MXI1: variants seen among roughly 807,000 people sequenced by gnomAD.
MXI1 encodes max-interacting protein 1.
MXI1 carries 18 observed loss-of-function variants against 36.9 expected under a neutral mutation model. That is an observed-to-expected ratio of 0.49 (90% CI 0.34 to 0.72). The LOEUF is 0.72. Among genes scored for constraint, MXI1 ranks in the 30% least tolerant of loss-of-function variants. The probability of loss-of-function intolerance (pLI) is 0.01; values close to 1 mark genes in which losing one functional copy is unlikely to be tolerated. For missense variants in MXI1, 304 were observed against 379.1 expected (o/e 0.80, Z 1.64); for synonymous variants, 160 against 146.7 (o/e 1.09, Z -0.65).
At chr10:110,235,086 G>T (rs565941676) in intron 2 of MXI1, among the ~76,000 whole-genome samples, 5 of 152,114 alleles carry the variant, frequency 3.3e-5, no homozygotes. Context: ...TACCACTTCC[G>T]ATAATTTCAC....
intron 1 of MXI1, chr10:110,226,254 C>T: frequency 6.7e-7 from 1 of 1,502,078 alleles, no homozygotes. Context: ...CTGCTGGAGG[C>T]TGCCGAGTTT....
At chr10:110,252,746 A>G (rs1856143730) in intron 3 of MXI1, among the ~76,000 whole-genome samples, 1 of 152,176 alleles carries the variant, frequency 6.6e-6, no homozygotes, top group Non-Finnish European at 1.5e-5. Context: ...ATGATATGTG[A>G]TAGTAGATTT....
At chr10:110,225,125 C>T (rs1233535400) in intron 1 of MXI1, among the ~76,000 whole-genome samples, 1 of 152,210 alleles carries the variant, frequency 6.6e-6, no homozygotes, top group African/African-American at 2.4e-5. Context: ...ACCTCGAGAG[C>T]AGGTCTGCGT....
At chr10:110,222,772 T>G (rs536760938) in intron 1 of MXI1, among the ~76,000 whole-genome samples, 1 of 152,246 alleles carries the variant, frequency 6.6e-6, no homozygotes, top group African/African-American at 2.4e-5. Context: ...AGAAAGGCTA[T>G]GGCTGCCTCT....
At chr10:110,228,683 A>G (rs1295219405) in intron 2 of MXI1, among the ~76,000 whole-genome samples, 1 of 152,126 alleles carries the variant, frequency 6.6e-6, no homozygotes, top group African/African-American at 2.4e-5. Context: ...AAAATCAGAA[A>G]TAGGTCTGGC....
chr10:110,278,318 G>C (rs1293009400), intron 3 of MXI1, among the ~76,000 whole-genome samples: 1 of 152,188 alleles, frequency 6.6e-6, no homozygotes, highest in Non-Finnish European at 1.5e-5. Context: ...CCACAGGAAG[G>C]ATAGATTAGA....
chr10:110,216,665 G>GTGTTTTTTTTTTTTTTTTTTTTT (rs1854644098), intron 1 of MXI1, among the ~76,000 whole-genome samples: 1 of 79,060 alleles, frequency 1.3e-5, no homozygotes, highest in Non-Finnish European at 2.0e-5. Flanking sequence ...TGTGTTTAAT[G>GTGTTTTTTTTTTTTTTTTTTTTT]TTTTTTTTTT....
chr10:110,227,887 C>T (rs1379775840), intron 1 of MXI1: 3 of 367,170 alleles, frequency 8.2e-6, no homozygotes, highest in Non-Finnish European at 1.5e-5. Context: ...TGAATGGTAA[C>T]TGGTCACAAA....
In MXI1 at chr10:110,207,825, G is replaced by T; in HGVS notation, c.17G>T (p.Arg6Leu). The change falls in exon 1 of 6, where the codon CGG (arginine) becomes CTG (leucine). Residue 6 changes from arginine (R) to leucine (L), a missense_variant. Transcript: ENST00000332674. MGKRG[R>L]PRKEARCEGA... ...CGCTCCTCCATGGGCAAACGCGGGC[G>T]GCCGCGCAAGGAGGCGCGCTGCGAG... is the stretch of plus-strand genomic sequence containing the variant. 1 of 1,119,748 alleles carries T rather than the reference G, an allele frequency of 8.9e-7. No individual in the cohort carries two copies. The highest frequency in any genetic ancestry group is 1.1e-6 in the Non-Finnish European group (1 of 916,720). The allele number at this position is 1,119,748 out of a possible 1,614,324, so 69.4% of individuals were successfully genotyped here.
At chr10:110,208,919 A>G (rs1351363150) in intron 1 of MXI1, among the ~76,000 whole-genome samples, 1 of 151,868 alleles carries the variant, frequency 6.6e-6, no homozygotes, top group Non-Finnish European at 1.5e-5. Flanking sequence ...CTTTTTCTTT[A>G]TTTTCCGGGA....
intron 1 of MXI1, among the ~76,000 whole-genome samples, chr10:110,221,112 A>G (rs980403997): frequency 2.0e-5 from 3 of 152,148 alleles, no homozygotes; most frequent in East Asian, 1.9e-4. Context: ...TCTGATGGCA[A>G]CCTTTCCTTG....
chr10:110,263,151 G>GAA (rs1388955730), intron 3 of MXI1, among the ~76,000 whole-genome samples: 1 of 152,124 alleles, frequency 6.6e-6, no homozygotes, highest in African/African-American at 2.4e-5. Flanking sequence ...TAGATTCAGA[G>GAA]AAAAAAGTTG....
intron 3 of MXI1, chr10:110,257,083 A>C (rs745631042): frequency 6.6e-6 from 1 of 152,228 alleles, no homozygotes; most frequent in Non-Finnish European, 1.5e-5. Flanking sequence ...ATAAAGGGAA[A>C]GAGGAAAGAC....
chr10:110,257,912 G>A (rs947620960), intron 3 of MXI1: 1 of 199,422 alleles, frequency 5.0e-6, no homozygotes, highest in African/African-American at 2.4e-5. Flanking sequence ...AATAAGGGGG[G>A]AGGTATAGGT....
At chr10:110,238,588 T>G (rs2134379711) in intron 2 of MXI1, among the ~76,000 whole-genome samples, 1 of 152,320 alleles carries the variant, frequency 6.6e-6, no homozygotes, top group Non-Finnish European at 1.5e-5. Flanking sequence ...TGGAAAATGT[T>G]CCCTCTCTCT....
intron 3 of MXI1, among the ~76,000 whole-genome samples, chr10:110,251,354 T>C (rs936408865): frequency 1.4e-4 from 21 of 152,122 alleles, no homozygotes; most frequent in African/African-American, 5.1e-4. Flanking sequence ...ATAAATACCA[T>C]GTGTGGCATC....
At chr10:110,283,569 TA>T (rs1458165419) in intron 5 of MXI1, among the ~76,000 whole-genome samples, 3 of 143,186 alleles carry the variant, frequency 2.1e-5, no homozygotes, top group Non-Finnish European at 4.7e-5. Context: ...TTTTTTTTTT[TA>T]AAGCAGTTGT....
At position 110,279,184 on chromosome 10, in the gene MXI1, G is replaced by A; in HGVS notation, c.442G>A (p.Ala148Thr). 6.2e-7 allele frequency: 1 copy of A among 1,613,082 alleles called. No homozygotes were observed. Among genetic ancestry groups the A allele is most frequent in the Non-Finnish European group, 8.5e-7 (1 of 1,179,196 alleles). The change falls in exon 4 of 6, where the codon GCT becomes ACT. Residue 148 changes from alanine (A) to threonine (T), a missense_variant. Coordinates refer to ENST00000332674, the MANE Select transcript of MXI1 (RefSeq NM_130439.3). Reference sequence around the variant, plus strand: ...TTGACTTTTTGTCTTTCTTAGACGAGCTCATCTGCGCCTTTGTTTAGAACG... The same window carrying A: ...TTGACTTTTTGTCTTTCTTAGACGAACTCATCTGCGCCTTTGTTTAGAACG... ...THNELEKNRRAHLRLCLERLK... is the reference protein window; with the variant it reads ...THNELEKNRRTHLRLCLERLK...
intron 3 of MXI1, among the ~76,000 whole-genome samples, chr10:110,277,715 T>C (rs1857084691): frequency 6.6e-6 from 1 of 152,178 alleles, no homozygotes; most frequent in East Asian, 1.9e-4. Context: ...CTGAACTCAA[T>C]AAAGAAATTT....
Sources: gnomAD v4.1 joint callset for allele counts (sites outside exome capture counted in the v4.1 genomes callset) on GRCh38, gnomAD v4.1.1 for gene constraint, MANE v1.5 for transcripts, NCBI Gene and HGNC (gene_info 2026-07-23, HGNC 2026-07-21) for gene names.